The following STIM2 variants were observed in gnomAD, a reference collection of about 807,000 sequenced individuals.
The protein encoded by STIM2 is stromal interaction molecule 2.
STIM2 carries 31 observed loss-of-function variants against 85.8 expected under a neutral mutation model. The observed-to-expected ratio is 0.36, with a 90% CI of 0.27 to 0.49. STIM2 has a LOEUF of 0.49. STIM2 is among the 20% of genes least tolerant of loss of function. The pLI, the probability that STIM2 is intolerant of heterozygous loss-of-function variation, is 0.98. For missense variants in STIM2, 841 were observed against 927.6 expected, an observed-to-expected ratio of 0.91 and a Z score of 1.21; for synonymous variants, 356 against 331.1, an observed-to-expected ratio of 1.08 and a Z score of -0.82.
chr4:27,016,565 G>A (rs1389239476), intron 10 of STIM2, among the ~76,000 whole-genome samples: 1 of 152,216 alleles, frequency 6.6e-6, no homozygotes, highest in Non-Finnish European at 1.5e-5. Flanking sequence ...AATATGAGAT[G>A]TAGGCTCAGA....
At chr4:26,874,290 C>A in intron 1 of STIM2, 1 of 404,012 alleles carries the variant, frequency 2.5e-6, no homozygotes, top group South Asian at 2.1e-5. Flanking sequence ...TGAGCTGCTC[C>A]TGGTACTGGA....
chr4:26,867,324 T>C (rs1722444701), intron 1 of STIM2, among the ~76,000 whole-genome samples: 1 of 152,218 alleles, frequency 6.6e-6, no homozygotes. Flanking sequence ...AATGTGCCTA[T>C]TTCTTAATAT....
intron 2 of STIM2, among the ~76,000 whole-genome samples, chr4:26,948,241 A>G (rs926112400): frequency 1.3e-5 from 2 of 152,178 alleles, no homozygotes; most frequent in Admixed American, 6.5e-5. Flanking sequence ...TTCTGTGGCC[A>G]CAGCAGAGAG....
rs887045778 is a variant in STIM2, at chr4:26,998,849, T to G, written c.510-383T>G. Among the ~76,000 whole-genome samples, 17 of 151,384 alleles carry G rather than the reference T, an allele frequency of 1.1e-4. 1 individual carries two copies. The highest frequency in any genetic ancestry group is 1.1e-3 in the Admixed American group (17 of 15,188). ...ATTGCTTGAACCCGGGAGGCGGAGG[T>G]TGCAGAGAGCCGAGATCGAACCACT... On this transcript the variant is annotated intron_variant, in intron 4 of 11. Coordinates refer to ENST00000467087, the MANE Select transcript of STIM2 (RefSeq NM_020860.4).
chr4:26,888,345 G>A (rs1723335903), intron 1 of STIM2, among the ~76,000 whole-genome samples: 1 of 152,168 alleles, frequency 6.6e-6, no homozygotes, highest in Non-Finnish European at 1.5e-5. Flanking sequence ...AGAAGAGGAT[G>A]CGGAGTCCCT....
chr4:27,021,626 A>G, intron 11 of STIM2: 1 of 456,718 alleles, frequency 2.2e-6, no homozygotes, highest in Non-Finnish European at 4.4e-6. Context: ...AGTGAATGAT[A>G]TGTTTTGCTT....
chr4:27,006,658 T>A (rs1339348846), intron 7 of STIM2, among the ~76,000 whole-genome samples: 1 of 152,236 alleles, frequency 6.6e-6, no homozygotes, highest in African/African-American at 2.4e-5. Flanking sequence ...TTCCTTATGA[T>A]ACTTTTTCTT....
Position 26,927,767 on chromosome 4 carries a change from ATAT to A in STIM2, c.282+8139_282+8141del, listed in dbSNP as rs1457166633. Among the ~76,000 whole-genome samples, 36 of 133,960 alleles carry A rather than the reference ATAT, an allele frequency of 2.7e-4. 1 individual carries two copies. The East Asian group carries it at 6.9e-3, about 26-fold the overall frequency. The allele number at this position is 133,960 out of a possible 152,430, so 87.9% of individuals were successfully genotyped here. A position where few individuals can be genotyped will look rare whatever the true frequency, so the allele number is the denominator to read the frequency against. On this transcript the variant is annotated intron_variant, in intron 2 of 11. Transcript: ENST00000467087. ...AACTGCTAAACCCTTAAAAAAAAAAATATTATTAATATAATAAAATATATAAAT... is the reference window on the plus strand; with the variant it reads ...AACTGCTAAACCCTTAAAAAAAAAAATATTAATATAATAAAATATATAAAT...
intron 11 of STIM2, chr4:27,021,068 AGTG>A: frequency 6.5e-7 from 1 of 1,533,702 alleles, no homozygotes; most frequent in Non-Finnish European, 8.7e-7. Context: ...AAAAAAAAAA[AGTG>A]AGTAAGATGT....
In STIM2 at chr4:27,022,917, C is replaced by T. The variant is rs1311958564; in HGVS notation, c.2162C>T (p.Pro721Leu). Residue 721 changes from proline to leucine, a missense_variant, in exon 12 of 12, where the codon CCA becomes CTA. This residue lies in a region of STIM2 where 293 missense variants were observed against 284.5 expected (regional missense o/e 1.03). Transcript: ENST00000467087. ...AGTGTTGCCAGAATAAGCAGCATCCCACATGACCTTTGTCATAATGGAGAG... is the reference window on the plus strand; with the variant it reads ...AGTGTTGCCAGAATAAGCAGCATCCTACATGACCTTTGTCATAATGGAGAG... 6.2e-7 allele frequency: 1 copy of T among 1,614,188 alleles called. No homozygotes were observed. The highest frequency in any genetic ancestry group is 1.1e-5 in the South Asian group (1 of 91,082).
In STIM2 at chr4:27,002,467, C is replaced by T. The variant is rs545671375; in HGVS notation, c.803+73C>T. Reference sequence around the variant, plus strand: ...GTAAAAAAAGTGATATGGGCATGTGCTTAAATACTTACATTTAGGTTATTA... The same window carrying T: ...GTAAAAAAAGTGATATGGGCATGTGTTTAAATACTTACATTTAGGTTATTA... On this transcript the variant is annotated intron_variant, in intron 6 of 11. Coordinates refer to ENST00000467087, the MANE Select transcript of STIM2 (RefSeq NM_020860.4). 7.7e-6 allele frequency: 9 copies of T among 1,164,082 alleles called. No homozygotes were observed. In the East Asian group the frequency reaches 1.2e-4, roughly 15 times the overall value. 72.1% of individuals were successfully genotyped at this position (1,164,082 alleles called of 1,614,324 possible).
chr4:26,880,647 A>ATATATATGTAAATATATATATG (rs112602704), intron 1 of STIM2, among the ~76,000 whole-genome samples: 4 of 145,248 alleles, frequency 2.8e-5, no homozygotes, highest in South Asian at 4.2e-4. Context: ...ATATATGTAA[A>ATATATATGTAAATATATATATG]TATATATATA....
At chr4:26,885,233 T>C (rs917700145) in intron 1 of STIM2, among the ~76,000 whole-genome samples, 2 of 152,120 alleles carry the variant, frequency 1.3e-5, no homozygotes, top group Admixed American at 1.3e-4. Context: ...AGTATAACAG[T>C]ACAGGAAAGG....
chr4:26,986,812 CA>C (rs1727601356), intron 3 of STIM2, among the ~76,000 whole-genome samples: 1 of 152,128 alleles, frequency 6.6e-6, no homozygotes, highest in South Asian at 2.1e-4. Context: ...TAATTAAAAA[CA>C]AAACAAAACA....
rs1001543525 is a variant in STIM2 at position 26,919,233 on chromosome 4, A to G, written c.152-271A>G. On this transcript the variant is annotated intron_variant, in intron 1 of 11. Coordinates refer to ENST00000467087, the MANE Select transcript of STIM2 (RefSeq NM_020860.4). ...GTTGGATAAGAAGAAATGGTTAAAGATGTAGAGATTTTAGATAACCTGAAG... is the reference window on the plus strand; with the variant it reads ...GTTGGATAAGAAGAAATGGTTAAAGGTGTAGAGATTTTAGATAACCTGAAG... 3.3e-5 allele frequency among the ~76,000 whole-genome samples: 5 copies of G among 152,120 alleles called. 1 individual carries two copies. In the South Asian group the frequency reaches 6.2e-4, roughly 19 times the overall value.
chr4:26,991,040 A>G (rs1358520679), intron 3 of STIM2, among the ~76,000 whole-genome samples: 5 of 152,136 alleles, frequency 3.3e-5, no homozygotes, highest in African/African-American at 7.2e-5. Flanking sequence ...CAAAAAAACT[A>G]AAAATAGAGC....
At position 26,869,692 on chromosome 4, in the gene STIM2, T is replaced by G. The variant is rs577902076; in HGVS notation, c.151+8323T>G. ...CCACAGATGGCTAATTAAAAAAAAC[T>G]TTTTAAAATGTAAACCTGAAAATTG... On this transcript the variant is annotated intron_variant, in intron 1 of 11. Transcript: ENST00000467087. 2.6e-5 allele frequency among the ~76,000 whole-genome samples: 4 copies of G among 151,988 alleles called. No individual in the cohort carries two copies. In the East Asian group the frequency reaches 7.7e-4, roughly 29 times the overall value.
intron 7 of STIM2, 96 bp downstream of exon 7, chr4:27,003,200 C>A: frequency 8.6e-7 from 1 of 1,168,814 alleles, no homozygotes; most frequent in Non-Finnish European, 1.2e-6. Flanking sequence ...ACATTTAGTT[C>A]CACTGTAGTT....
intron 3 of STIM2, among the ~76,000 whole-genome samples, chr4:26,963,399 T>C (rs1379834578): frequency 6.6e-6 from 1 of 152,140 alleles, no homozygotes; most frequent in East Asian, 1.9e-4. Flanking sequence ...ATAAAAAAAC[T>C]GTAAATAGAA....
Sources: allele counts gnomAD v4.1 joint callset (sites outside exome capture counted in the v4.1 genomes callset), GRCh38; gene constraint gnomAD v4.1.1; regional missense constraint gnomAD v4.1.1; transcripts MANE v1.5; gene names NCBI Gene and HGNC (gene_info 2026-07-23, HGNC 2026-07-21).